LINGO2: variants seen among roughly 807,000 people sequenced by gnomAD.
The protein encoded by LINGO2 is leucine-rich repeat and immunoglobulin-like domain-containing nogo receptor-interacting protein 2.
LINGO2 carries 14 observed loss-of-function variants against 30.6 expected under a neutral mutation model. That is an observed-to-expected ratio of 0.46 (90% CI 0.30 to 0.72). LINGO2 has a LOEUF of 0.72. Ranked by LOEUF, LINGO2 falls within the 30% of genes least tolerant of loss-of-function variation. The pLI, the probability that LINGO2 is intolerant of heterozygous loss-of-function variation, is 0.07. For missense variants in LINGO2, 729 were observed against 751.7 expected (o/e 0.97, Z 0.35); for synonymous variants, 317 against 288.5 (o/e 1.10, Z -1.00).
At chr9:28,822,679 A>G in the LINGO2 span, among the ~76,000 whole-genome samples, 150,972 of 152,246 alleles carry the variant, frequency 0.99, 74,867 homozygotes, top group Middle Eastern at 1. Flanking sequence ...CTCAAACGTC[A>G]GACTCCAAGT....
chr9:28,235,012 G>T (rs1213358780), intron 4 of LINGO2, among the ~76,000 whole-genome samples: 1 of 152,164 alleles, frequency 6.6e-6, no homozygotes, highest in African/African-American at 2.4e-5. Context: ...CAGCATCTCT[G>T]GACATGCCTG....
At chr9:28,625,034 C>G (rs1188014357) in intron 1 of LINGO2, among the ~76,000 whole-genome samples, 2 of 152,076 alleles carry the variant, frequency 1.3e-5, no homozygotes, top group East Asian at 3.9e-4. Flanking sequence ...CGAAGACCAG[C>G]CCAGCACTAG....
chr9:28,476,972 T>C (rs904252300), intron 1 of LINGO2, among the ~76,000 whole-genome samples: 5 of 152,212 alleles, frequency 3.3e-5, no homozygotes, highest in African/African-American at 1.2e-4. Context: ...TTCCATTTTC[T>C]TGATCAATCA....
intron 1 of LINGO2, among the ~76,000 whole-genome samples, chr9:28,536,243 C>T (rs1378574977): frequency 1.3e-5 from 2 of 152,022 alleles, no homozygotes; most frequent in Non-Finnish European, 2.9e-5. Flanking sequence ...TTACATAATT[C>T]TTACTTTGTA....
the LINGO2 span, among the ~76,000 whole-genome samples, chr9:28,922,712 T>C: frequency 1.3e-5 from 2 of 152,208 alleles, no homozygotes; most frequent in African/African-American, 4.8e-5. Context: ...CACTTTTTGT[T>C]AATTAAGTGT....
chr9:28,046,744 C>T (rs746811215), intron 4 of LINGO2, among the ~76,000 whole-genome samples: 2 of 150,798 alleles, frequency 1.3e-5, no homozygotes, highest in Non-Finnish European at 2.9e-5. Flanking sequence ...TCCTCTTTAT[C>T]TACCACGATA....
the LINGO2 span, among the ~76,000 whole-genome samples, chr9:28,996,166 T>C: frequency 7.2e-5 from 11 of 151,842 alleles, no homozygotes; most frequent in Non-Finnish European, 1.5e-4. Flanking sequence ...TGCCAAACTG[T>C]TCGGCCATCT....
At chr9:28,227,265 T>C (rs1723385387) in intron 4 of LINGO2, among the ~76,000 whole-genome samples, 1 of 152,110 alleles carries the variant, frequency 6.6e-6, no homozygotes, top group African/African-American at 2.4e-5. Flanking sequence ...AAGCTATCTT[T>C]AAACATTATT....
the LINGO2 span, among the ~76,000 whole-genome samples, chr9:29,035,109 A>G: frequency 1.3e-5 from 2 of 152,176 alleles, no homozygotes; most frequent in African/African-American, 4.8e-5. Context: ...TCTCTGGAAT[A>G]TACATAAGAC....
chr9:28,440,398 G>T (rs1824145258), intron 2 of LINGO2, among the ~76,000 whole-genome samples: 1 of 152,110 alleles, frequency 6.6e-6, no homozygotes, highest in South Asian at 2.1e-4. Context: ...TTCACTTCCG[G>T]AAAAATGTCT....
At chr9:28,513,577 AGTTT>A (rs1820501183) in intron 1 of LINGO2, among the ~76,000 whole-genome samples, 1 of 152,238 alleles carries the variant, frequency 6.6e-6, no homozygotes. Flanking sequence ...ACAATGAGAT[AGTTT>A]GTTAGAAATG....
At chr9:27,991,340 C>A (rs1214836464) in intron 5 of LINGO2, among the ~76,000 whole-genome samples, 1 of 152,000 alleles carries the variant, frequency 6.6e-6, no homozygotes, top group African/African-American at 2.4e-5. Flanking sequence ...GGATGATTTG[C>A]TTGTGGCTTT....
chr9:28,709,749 T>A, the LINGO2 span, among the ~76,000 whole-genome samples: 1 of 151,884 alleles, frequency 6.6e-6, no homozygotes, highest in African/African-American at 2.4e-5. Flanking sequence ...TGTATACTAA[T>A]AATATATTTA....
chr9:28,087,093 G>T (rs1400961387), intron 4 of LINGO2, among the ~76,000 whole-genome samples: 1 of 152,008 alleles, frequency 6.6e-6, no homozygotes, highest in Non-Finnish European at 1.5e-5. Context: ...GCTTTTTGAA[G>T]AAAAGAAAGC....
the LINGO2 span, among the ~76,000 whole-genome samples, chr9:29,213,501 G>A: frequency 6.6e-6 from 1 of 152,074 alleles, no homozygotes; most frequent in African/African-American, 2.4e-5. Context: ...GGGCGGCGGC[G>A]CCAGGTGAGG....
chr9:29,048,330 A>C, the LINGO2 span, among the ~76,000 whole-genome samples: 1 of 151,514 alleles, frequency 6.6e-6, no homozygotes, highest in African/African-American at 2.4e-5. Context: ...CAAAAAAAAG[A>C]AAAAAGGAAA....
chr9:28,120,462 G>A (rs1378662720), intron 4 of LINGO2, among the ~76,000 whole-genome samples: 2 of 152,168 alleles, frequency 1.3e-5, no homozygotes, highest in Non-Finnish European at 2.9e-5. Context: ...GAATGCCAAA[G>A]AAAACAGGCT....
chr9:28,639,837 T>C (rs1827483677), intron 1 of LINGO2, among the ~76,000 whole-genome samples: 1 of 152,156 alleles, frequency 6.6e-6, no homozygotes, highest in African/African-American at 2.4e-5. Context: ...GTTAATATGG[T>C]TATGTGTGAA....
In LINGO2 at chr9:28,349,836, G is replaced by A. The variant is rs865822367; in HGVS notation, c.-246+23000C>T. Among the ~76,000 whole-genome samples, 113 of 152,212 alleles carry A rather than the reference G, an allele frequency of 7.4e-4. 1 individual carries two copies. The Middle Eastern group carries it at 0.01, about 14-fold the overall frequency. ...CCCTACAAGCCAGAAGAGACTGGGG[G>A]CCGATATTCAACGTTCTTAAAGAAA... is the stretch of plus-strand genomic sequence containing the variant. On this transcript the variant is annotated intron_variant, in intron 3 of 5. Coordinates refer to ENST00000379992, the Ensembl canonical transcript of LINGO2.
Sources: allele counts gnomAD v4.1 joint callset (sites outside exome capture counted in the v4.1 genomes callset), GRCh38; gene constraint gnomAD v4.1.1; transcripts MANE v1.5; gene names NCBI Gene and HGNC (gene_info 2026-07-23, HGNC 2026-07-21).